Variants in MTUS2 observed in about 807,000 individuals in gnomAD.
MTUS2 encodes microtubule associated scaffold protein 2.
A neutral mutation model predicts 114.1 loss-of-function variants in MTUS2; 40 were observed. The ratio of observed to expected loss-of-function variants is 0.35; its 90% confidence interval spans 0.27 to 0.46. The LOEUF (loss-of-function observed/expected upper bound fraction) is 0.46. Ranked by LOEUF, MTUS2 falls within the 20% of genes least tolerant of loss-of-function variation. The probability of loss-of-function intolerance (pLI) is 1.00; values close to 1 mark genes in which losing one functional copy is unlikely to be tolerated. For synonymous variants in MTUS2, 688 were observed against 672.0 expected, an observed-to-expected ratio of 1.02 and a Z score of -0.37; for missense variants, 1,679 against 1,705.4, an observed-to-expected ratio of 0.98 and a Z score of 0.27.
chr13:28,935,427 T>C (rs1881852524), intron 2 of MTUS2, among the ~76,000 whole-genome samples: 1 of 152,190 alleles, frequency 6.6e-6, no homozygotes, highest in Non-Finnish European at 1.5e-5. Flanking sequence ...GTGAGCAGTG[T>C]TTGTACTTCT....
intron 8 of MTUS2, among the ~76,000 whole-genome samples, chr13:29,389,175 A>G (rs191089930): frequency 6.7e-6 from 1 of 150,308 alleles, no homozygotes; most frequent in Non-Finnish European, 1.5e-5. Context: ...TTTTGACTAT[A>G]TATATATCTA....
chr13:29,307,441 C>G, intron 6 of MTUS2: 2 of 1,315,032 alleles, frequency 1.5e-6, no homozygotes, highest in Non-Finnish European at 2.2e-6. Flanking sequence ...CAAGGTCATC[C>G]CTGAGCTGAA....
intron 2 of MTUS2, among the ~76,000 whole-genome samples, chr13:29,004,111 C>T (rs1212146405): frequency 1.3e-5 from 2 of 152,142 alleles, no homozygotes; most frequent in South Asian, 2.1e-4. Context: ...TGGTTCCTGC[C>T]AGCCCGAAAC....
chr13:28,980,444 G>T (rs1450832402), intron 2 of MTUS2, among the ~76,000 whole-genome samples: 2 of 152,138 alleles, frequency 1.3e-5, no homozygotes, highest in African/African-American at 4.8e-5. Flanking sequence ...ATCTTTGGAG[G>T]CAGTTCTTTT....
chr13:29,014,859 C>T (rs541121600), intron 2 of MTUS2, among the ~76,000 whole-genome samples: 5 of 152,254 alleles, frequency 3.3e-5, no homozygotes, highest in African/African-American at 9.6e-5. Flanking sequence ...GAGAATGGCT[C>T]GTTAGAGAAG....
chr13:29,043,209 C>A (rs773281292), intron 4 of MTUS2, among the ~76,000 whole-genome samples: 1 of 152,118 alleles, frequency 6.6e-6, no homozygotes, highest in African/African-American at 2.4e-5. Context: ...CTTTCAAGAG[C>A]AGGTTGTTTA....
At chr13:29,044,403 T>G (rs527307449) in intron 4 of MTUS2, among the ~76,000 whole-genome samples, 1 of 152,330 alleles carries the variant, frequency 6.6e-6, no homozygotes, top group African/African-American at 2.4e-5. Flanking sequence ...GTTTACAATA[T>G]GCCTTGATGT....
intron 4 of MTUS2, among the ~76,000 whole-genome samples, chr13:29,042,613 G>A (rs1201311989): frequency 1.3e-5 from 2 of 151,926 alleles, no homozygotes; most frequent in Non-Finnish European, 2.9e-5. Context: ...TTTCTTGTTG[G>A]CAATTTTTTT....
chr13:28,938,728 GTTTTACTTTAACTCT>G (rs144596716), intron 2 of MTUS2, among the ~76,000 whole-genome samples: 1,591 of 152,220 alleles, frequency 0.01, 32 homozygotes, highest in African/African-American at 0.034. Flanking sequence ...AAGGACAAAT[GTTTTACTTTAACTCT>G]ACCAGTCACC....
intron 8 of MTUS2, among the ~76,000 whole-genome samples, chr13:29,378,474 C>T (rs907298883): frequency 6.6e-6 from 1 of 152,064 alleles, no homozygotes; most frequent in Non-Finnish European, 1.5e-5. Flanking sequence ...AAGTGAATAA[C>T]TTTCAGAGCA....
chr13:28,899,922 C>T (rs1396611869), intron 2 of MTUS2, among the ~76,000 whole-genome samples: 1 of 152,022 alleles, frequency 6.6e-6, no homozygotes, highest in African/African-American at 2.4e-5. Context: ...AAAAAGTACT[C>T]CATCACCCAG....
intron 2 of MTUS2, among the ~76,000 whole-genome samples, chr13:28,986,961 G>C (rs187579086): frequency 6.6e-6 from 1 of 152,216 alleles, no homozygotes; most frequent in Non-Finnish European, 1.5e-5. Context: ...TGGCTGGACA[G>C]CCATGCTCTA....
At chr13:29,057,076 A>G (rs1424205262) in intron 4 of MTUS2, among the ~76,000 whole-genome samples, 1 of 152,078 alleles carries the variant, frequency 6.6e-6, no homozygotes, top group East Asian at 1.9e-4. Context: ...GAGGTCATTC[A>G]GGGGTAGGTG....
chr13:29,231,433 G>A (rs1190140669), intron 5 of MTUS2, among the ~76,000 whole-genome samples: 1 of 152,144 alleles, frequency 6.6e-6, no homozygotes, highest in East Asian at 1.9e-4. Flanking sequence ...AGAGCTTACA[G>A]TGCTCACATC....
At chr13:29,264,032 A>G (rs1897576236) in intron 5 of MTUS2, among the ~76,000 whole-genome samples, 1 of 152,194 alleles carries the variant, frequency 6.6e-6, no homozygotes, top group Non-Finnish European at 1.5e-5. Context: ...CGTCCCTTCC[A>G]CTGATGAGCC....
Position 29,253,768 on chromosome 13 carries a change from G to A in MTUS2, c.2645-27936G>A, listed in dbSNP as rs150879452. On this transcript the variant is annotated intron_variant, in intron 5 of 15. Coordinates refer to ENST00000612955, the MANE Select transcript of MTUS2 (RefSeq NM_001033602.4). ...CACAGTTCCACATGTCTGGAGAGGC[G>A]TCACAATCATGATGGAAGGCGAGGA... 4.3e-3 allele frequency among the ~76,000 whole-genome samples: 655 copies of A among 152,266 alleles called. 4 individuals carry two copies. Among genetic ancestry groups the A allele is most frequent in the South Asian group, 0.015 (72 of 4,820 alleles).
chr13:28,882,652 A>T (rs1179650855), intron 2 of MTUS2, among the ~76,000 whole-genome samples: 1 of 152,144 alleles, frequency 6.6e-6, no homozygotes. Flanking sequence ...CAAGAAGCTC[A>T]CTTGAGCCCA....
At chr13:29,006,369 A>C (rs1885600917) in intron 2 of MTUS2, among the ~76,000 whole-genome samples, 1 of 152,206 alleles carries the variant, frequency 6.6e-6, no homozygotes, top group African/African-American at 2.4e-5. Flanking sequence ...CTGAACATAT[A>C]GTTTTTTAAT....
chr13:29,180,011 G>A (rs960424592), intron 5 of MTUS2, among the ~76,000 whole-genome samples: 3 of 152,210 alleles, frequency 2.0e-5, no homozygotes, highest in South Asian at 2.1e-4. Flanking sequence ...TAGGTGAAGC[G>A]AAAGCTTTCT....
Sources: gnomAD v4.1 joint callset for allele counts (sites outside exome capture counted in the v4.1 genomes callset) on GRCh38, gnomAD v4.1.1 for gene constraint, MANE v1.5 for transcripts, NCBI Gene and HGNC (gene_info 2026-07-23, HGNC 2026-07-21) for gene names.